The following STX8 variants were observed in gnomAD, a reference collection of about 807,000 sequenced individuals.
STX8 encodes syntaxin-8.
In STX8, 23 loss-of-function variants were observed where a neutral mutation model predicts 37.5. The observed-to-expected ratio is 0.61, with a 90% confidence interval of 0.44 to 0.87. STX8 has a LOEUF of 0.87. STX8 is among the 40% of genes least tolerant of loss of function. The probability of loss-of-function intolerance (pLI) is 0.00; values close to 1 mark genes in which losing one functional copy is unlikely to be tolerated. For synonymous variants in STX8, 115 were observed against 99.1 expected, an observed-to-expected ratio of 1.16 and a Z score of -0.95; for missense variants, 313 against 284.7, an observed-to-expected ratio of 1.10 and a Z score of -0.71.
At chr17:9,498,588 G>T (rs1377245806) in intron 5 of STX8, among the ~76,000 whole-genome samples, 1 of 152,168 alleles carries the variant, frequency 6.6e-6, no homozygotes, top group Non-Finnish European at 1.5e-5. Flanking sequence ...AGCTGTGACT[G>T]CAAGGGTTCA....
chr17:9,561,867 A>G (rs1907248834), intron 2 of STX8, among the ~76,000 whole-genome samples: 1 of 152,216 alleles, frequency 6.6e-6, no homozygotes, highest in Admixed American at 6.5e-5. Flanking sequence ...TACATTGAAG[A>G]ATTTATTTCA....
chr17:9,486,927 C>T (rs1906624733), intron 6 of STX8, among the ~76,000 whole-genome samples: 1 of 152,096 alleles, frequency 6.6e-6, no homozygotes, highest in South Asian at 2.1e-4. Flanking sequence ...CCCATAGAGG[C>T]CACCTGGAAC....
chr17:9,277,373 C>A (rs1907713340), intron 7 of STX8, among the ~76,000 whole-genome samples: 1 of 150,224 alleles, frequency 6.7e-6, no homozygotes, highest in Non-Finnish European at 1.5e-5. Context: ...TTAGTGAGGG[C>A]AGGGTCTCAA....
intron 7 of STX8, among the ~76,000 whole-genome samples, chr17:9,343,260 T>G (rs1910433678): frequency 6.6e-6 from 1 of 152,074 alleles, no homozygotes; most frequent in Non-Finnish European, 1.5e-5. Flanking sequence ...CTCCAAGTTT[T>G]TATAGAGCCT....
chr17:9,338,902 T>C (rs111649506), intron 7 of STX8, among the ~76,000 whole-genome samples: 6,302 of 151,690 alleles, frequency 0.042, 448 homozygotes, highest in African/African-American at 0.14. Flanking sequence ...AAACCCTGTC[T>C]CTACTAAAAA....
chr17:9,320,431 C>CCTTT (rs1909539320), intron 7 of STX8, among the ~76,000 whole-genome samples: 1 of 151,918 alleles, frequency 6.6e-6, no homozygotes, highest in Admixed American at 6.5e-5. Flanking sequence ...TTAATATTCT[C>CCTTT]CTTTGATTAC....
intron 6 of STX8, among the ~76,000 whole-genome samples, chr17:9,397,800 C>T (rs1383380106): frequency 5.9e-5 from 9 of 151,656 alleles, no homozygotes; most frequent in Non-Finnish European, 2.9e-5. Context: ...GGTGAAACCC[C>T]GTTTCTACTA....
rs1318447567 is a variant in STX8 at position 9,529,272 on chromosome 17, AGT to A, written c.323+15898_323+15899del. On this transcript the variant is annotated intron_variant, in intron 4 of 7. Coordinates refer to ENST00000306357, the MANE Select transcript of STX8 (RefSeq NM_004853.3). ...TAGAGAGAGAGAGAGAGAGAGAGAG[AGT>A]GTGTGGGTGCGCACACGCATGTGTG... Among the ~76,000 whole-genome samples, 1,028 of 138,760 alleles carry A rather than the reference AGT, an allele frequency of 7.4e-3. 16 individuals are homozygous for A. Among genetic ancestry groups the A allele is most frequent in the African/African-American group, 0.026 (994 of 38,020 alleles). The allele number at this position is 138,760 out of a possible 152,430, so 91.0% of individuals were successfully genotyped here.
intron 7 of STX8, among the ~76,000 whole-genome samples, chr17:9,307,907 C>G (rs1279515533): frequency 6.6e-6 from 1 of 152,170 alleles, no homozygotes; most frequent in Admixed American, 6.5e-5. Flanking sequence ...AAAGGTCACT[C>G]TCTCCCTTCT....
chr17:9,333,421 T>G (rs1910024283), intron 7 of STX8, among the ~76,000 whole-genome samples: 1 of 152,244 alleles, frequency 6.6e-6, no homozygotes, highest in African/African-American at 2.4e-5. Context: ...AGAGTCTTGC[T>G]CTGTCACCCA....
At chr17:9,484,163 A>G (rs1906473865) in intron 6 of STX8, among the ~76,000 whole-genome samples, 1 of 152,170 alleles carries the variant, frequency 6.6e-6, no homozygotes, top group African/African-American at 2.4e-5. Context: ...TAATTTAACA[A>G]ATATCATCAG....
At chr17:9,501,025 A>G (rs1904591233) in intron 5 of STX8, among the ~76,000 whole-genome samples, 1 of 152,050 alleles carries the variant, frequency 6.6e-6, no homozygotes, top group Non-Finnish European at 1.5e-5. Context: ...AAAATAAAAG[A>G]TATGAACTAT....
At chr17:9,518,796 A>G (rs1160772068) in intron 4 of STX8, among the ~76,000 whole-genome samples, 1 of 151,366 alleles carries the variant, frequency 6.6e-6, no homozygotes, top group African/African-American at 2.4e-5. Flanking sequence ...TGAACCCGGA[A>G]GGCAGAGGTT....
chr17:9,536,892 C>T lies in STX8; in HGVS notation c.323+8280G>A, dbSNP rs527520427. Among the ~76,000 whole-genome samples the T allele has an allele frequency of 7.0e-4, 106 of 152,100 alleles. 1 individual carries two copies. Among genetic ancestry groups the T allele is most frequent in the South Asian group, 2.5e-3 (12 of 4,810 alleles). ...CCGAATAGCTGGGATTACAAGCGCC[C>T]GCCACCATGCCCGGCTAATTTTTTT... On this transcript the variant is annotated intron_variant, in intron 4 of 7. Transcript: ENST00000306357.
At chr17:9,348,338 A>C (rs1473557718) in intron 7 of STX8, among the ~76,000 whole-genome samples, 1 of 151,094 alleles carries the variant, frequency 6.6e-6, no homozygotes, top group Admixed American at 6.6e-5. Flanking sequence ...GAATGGCATG[A>C]ATCTGGGAGG....
intron 7 of STX8, among the ~76,000 whole-genome samples, chr17:9,276,366 TC>T (rs894556298): frequency 2.2e-4 from 33 of 152,260 alleles, no homozygotes; most frequent in Admixed American, 1.0e-3. Flanking sequence ...TTTCATTTTT[TC>T]CCCAACCAAA....
intron 4 of STX8, among the ~76,000 whole-genome samples, chr17:9,534,794 A>G (rs1905963274): frequency 6.6e-6 from 1 of 152,174 alleles, no homozygotes; most frequent in African/African-American, 2.4e-5. Context: ...CTCAAAAAAA[A>G]AAGGCAAAAC....
At chr17:9,258,261 G>A (rs1906877878) in intron 7 of STX8, among the ~76,000 whole-genome samples, 1 of 152,230 alleles carries the variant, frequency 6.6e-6, no homozygotes, top group Non-Finnish European at 1.5e-5. Flanking sequence ...GGAATAAGCA[G>A]GAGAAGAGAC....
intron 7 of STX8, among the ~76,000 whole-genome samples, chr17:9,360,758 C>A (rs963501999): frequency 5.9e-5 from 9 of 151,414 alleles, no homozygotes; most frequent in African/African-American, 2.2e-4. Flanking sequence ...CTGTTTCGAG[C>A]GTGAATCAAA....
Sources: gnomAD v4.1 joint callset for allele counts (sites outside exome capture counted in the v4.1 genomes callset) on GRCh38, gnomAD v4.1.1 for gene constraint, MANE v1.5 for transcripts, NCBI Gene and HGNC (gene_info 2026-07-23, HGNC 2026-07-21) for gene names.